The following PECR variants were observed in gnomAD, a reference collection of about 807,000 sequenced individuals.
The protein encoded by PECR is peroxisomal trans-2-enoyl-CoA reductase, also known as 2,4-dienoyl-CoA reductase-related protein.
A neutral mutation model predicts 35.3 loss-of-function variants in PECR; 30 were observed. The ratio of observed to expected loss-of-function variants is 0.85; its 90% CI spans 0.64 to 1.15. The LOEUF (loss-of-function observed/expected upper bound fraction) is 1.15. PECR is among the 50% of genes most tolerant of loss of function. PECR has a pLI of 0.00. For synonymous variants in PECR, 148 were observed against 138.9 expected (o/e 1.07, Z -0.46); for missense variants, 392 against 370.8 (o/e 1.06, Z -0.47).
intron 1 of PECR, among the ~76,000 whole-genome samples, chr2:216,076,450 A>G (rs1174919729): frequency 6.6e-6 from 1 of 152,254 alleles, no homozygotes; most frequent in African/African-American, 2.4e-5. Context: ...TAAAAATTCA[A>G]TATGAGGGAA....
intron 6 of PECR, among the ~76,000 whole-genome samples, chr2:216,045,873 C>G (rs1372082128): frequency 1.3e-5 from 2 of 152,230 alleles, no homozygotes; most frequent in Non-Finnish European, 2.9e-5. Flanking sequence ...GTAAACCACA[C>G]TCCCTCAAAA....
At chr2:216,073,565 A>G (rs1695626311) in intron 1 of PECR, among the ~76,000 whole-genome samples, 1 of 152,070 alleles carries the variant, frequency 6.6e-6, no homozygotes, top group African/African-American at 2.4e-5. Context: ...AGTGCTCTAT[A>G]CAGGTGTACC....
At chr2:216,055,929 T>C (rs189344079) in intron 4 of PECR, among the ~76,000 whole-genome samples, 66 of 152,330 alleles carry the variant, frequency 4.3e-4, no homozygotes, top group Non-Finnish European at 7.6e-4. Context: ...AAATGTCTCA[T>C]TGACTTGCCT....
At chr2:216,050,765 G>C (rs1695098513) in intron 5 of PECR, 1 of 152,356 alleles carries the variant, frequency 6.6e-6, no homozygotes, top group African/African-American at 2.4e-5. Flanking sequence ...GCCAGGGGTG[G>C]TGGCAGGTGC....
At position 216,058,903 on chromosome 2, in the gene PECR, T is replaced by A; in HGVS notation, c.498A>T (p.Pro166=). ...NIIVPTKAGF[P]LAVHSGAARA... is the part of the protein sequence containing the mutation. ...TATATAAAAACGCTTACACAGCTAA[T>A]GGAAATCCAGCTTTAGTAGGGACAA... Residue 166 remains proline (P), a synonymous_variant, in exon 4 of 8, where the codon CCA becomes CCT. Coordinates refer to ENST00000265322, the MANE Select transcript of PECR (RefSeq NM_018441.6). The A allele has an allele frequency of 6.3e-7, 1 of 1,591,230 alleles. No homozygotes were observed. Among genetic ancestry groups the A allele is most frequent in the Non-Finnish European group, 8.6e-7 (1 of 1,159,350 alleles).
At chr2:216,045,380 TTGAAGAC>T (rs1388617495) in intron 6 of PECR, among the ~76,000 whole-genome samples, 1 of 152,254 alleles carries the variant, frequency 6.6e-6, no homozygotes. Flanking sequence ...ACACTGGATT[TTGAAGAC>T]TGAGTATGGG....
chr2:216,078,953 T>C (rs931714591), intron 1 of PECR, among the ~76,000 whole-genome samples: 2 of 152,180 alleles, frequency 1.3e-5, no homozygotes, highest in Non-Finnish European at 2.9e-5. Context: ...TACATAAAAA[T>C]CTATTAAAAA....
chr2:216,055,113 C>CAAA lies in PECR; in HGVS notation c.507-3571_507-3569dup, dbSNP rs955021535. Among the ~76,000 whole-genome samples the CAAA allele has an allele frequency of 7.5e-4, 41 of 54,500 alleles. 1 individual carries two copies. The highest frequency in any genetic ancestry group is 2.7e-3 in the African/African-American group (40 of 14,892). The allele number at this position is 54,500 out of a possible 152,430, so 35.8% of individuals were successfully genotyped here. A position where few individuals can be genotyped will look rare whatever the true frequency, so the allele number is the denominator to read the frequency against. On this transcript the variant is annotated intron_variant, in intron 4 of 7. Coordinates refer to ENST00000265322, the MANE Select transcript of PECR (RefSeq NM_018441.6). The stretch of plus-strand genomic sequence containing the variant: ...GGTGATAGAGCGAGACTGTGTCTTA[C>CAAA]AAAAAAAAAAAAAAAAGACACTTAA...
At chr2:216,032,837 A>G (rs1324159365) in intron 7 of PECR, 1 of 152,218 alleles carries the variant, frequency 6.6e-6, no homozygotes, top group Non-Finnish European at 1.5e-5. Flanking sequence ...TCTTATTTCA[A>G]TAGATGCCTT....
intron 6 of PECR, among the ~76,000 whole-genome samples, chr2:216,045,492 A>G (rs1694972932): frequency 6.6e-6 from 1 of 152,250 alleles, no homozygotes; most frequent in Admixed American, 6.5e-5. Flanking sequence ...TGAAATGACG[A>G]TGTTTTGGAT....
intron 6 of PECR, among the ~76,000 whole-genome samples, chr2:216,046,148 T>C (rs1694984366): frequency 2.6e-5 from 4 of 150,974 alleles, no homozygotes; most frequent in Admixed American, 2.6e-4. Flanking sequence ...ATGTAGCTAT[T>C]TTAAAGTAAA....
chr2:216,053,760 T>C (rs1258189031), intron 4 of PECR, among the ~76,000 whole-genome samples: 3 of 152,186 alleles, frequency 2.0e-5, no homozygotes, highest in South Asian at 2.1e-4. Flanking sequence ...GCCTGTTATC[T>C]AAGGTTGTAG....
intron 1 of PECR, among the ~76,000 whole-genome samples, chr2:216,067,755 C>T (rs1258935048): frequency 6.6e-6 from 1 of 151,766 alleles, no homozygotes; most frequent in Non-Finnish European, 1.5e-5. Context: ...TGGGGTTTCA[C>T]CATGTTGGCC....
downstream of PECR, chr2:216,033,695 G>A (rs947303932): frequency 2.0e-5 from 3 of 152,506 alleles, no homozygotes; most frequent in South Asian, 6.2e-4. Context: ...ATCTTGGAGT[G>A]GGGAGGAGAC....
intron 3 of PECR, chr2:216,064,115 T>C (rs757299497): frequency 6.6e-6 from 1 of 152,216 alleles, no homozygotes; most frequent in Non-Finnish European, 1.5e-5. Context: ...GTTAGCAAGG[T>C]ATCTTGGATT....
chr2:216,065,363 G>C lies in PECR; in HGVS notation c.373C>G (p.His125Asp), dbSNP rs41272675. The C allele has an allele frequency of 8.1e-6, 13 of 1,611,110 alleles. No homozygotes were observed. The highest frequency in any genetic ancestry group is 1.1e-5 in the Non-Finnish European group (13 of 1,177,206). ...PAEHISSKGW[H>D]AVLETNLTGT... ...GTCAGGTTGGTCTCAAGCACAGCGT[G>C]CCATCCCTTAGAACTGATGTGTTCA... The change falls in exon 3 of 8, where the codon CAC becomes GAC. Residue 125 changes from histidine (H) to aspartate (D), a missense_variant. By Grantham distance (81) the His-to-Asp change is moderately conservative. Coordinates refer to ENST00000265322, the MANE Select transcript of PECR (RefSeq NM_018441.6).
chr2:216,064,593 T>A (rs891258430), intron 3 of PECR, among the ~76,000 whole-genome samples: 2 of 152,146 alleles, frequency 1.3e-5, no homozygotes. Context: ...GTGAGAAAAA[T>A]AAACTCATAT....
chr2:216,039,631 G>C (rs1694853935), intron 7 of PECR, among the ~76,000 whole-genome samples: 1 of 152,142 alleles, frequency 6.6e-6, no homozygotes, highest in Non-Finnish European at 1.5e-5. Context: ...AAGTTGTGAG[G>C]GTTAAATATG....
Position 216,039,376 on chromosome 2 carries a change from A to T in PECR, c.827-16T>A, listed in dbSNP as rs1251671917. Reference sequence around the variant, plus strand: ...TTGTCATGATCTGTTAAAGAAGTGGAAAGCCTCCTGTCACTTGCAAATCTC... The same window carrying T: ...TTGTCATGATCTGTTAAAGAAGTGGTAAGCCTCCTGTCACTTGCAAATCTC... On this transcript the variant is annotated splice_polypyrimidine_tract_variant and intron_variant, in intron 7 of 7. Coordinates refer to ENST00000265322, the MANE Select transcript of PECR (RefSeq NM_018441.6). 1.2e-5 allele frequency: 17 copies of T among 1,467,436 alleles called. No homozygotes were observed. Among genetic ancestry groups the T allele is most frequent in the Non-Finnish European group, 1.5e-5 (16 of 1,046,146 alleles). 90.9% of individuals were successfully genotyped at this position (1,467,436 alleles called of 1,614,324 possible). A position where few individuals can be genotyped will look rare whatever the true frequency, so the allele number is the denominator to read the frequency against.
Sources: allele counts gnomAD v4.1 joint callset (sites outside exome capture counted in the v4.1 genomes callset), GRCh38; gene constraint gnomAD v4.1.1; transcripts MANE v1.5; gene names NCBI Gene and HGNC (gene_info 2026-07-23, HGNC 2026-07-21).